Variants in MB21D2 observed in about 807,000 individuals in gnomAD.
MB21D2 encodes Mab-21 domain containing 2.
MB21D2 carries 9 observed loss-of-function variants against 33.3 expected under a neutral mutation model. That is an observed-to-expected ratio of 0.27 (90% CI 0.16 to 0.47). The LOEUF (loss-of-function observed/expected upper bound fraction) is 0.47, where lower values mean the gene tolerates loss of function less well. Ranked by LOEUF, MB21D2 falls within the 20% of genes least tolerant of loss-of-function variation. The pLI is 0.99. For missense variants in MB21D2, 540 were observed against 624.6 expected (o/e 0.86, Z 1.44); for synonymous variants, 241 against 236.3 (o/e 1.02, Z -0.18).
intron 1 of MB21D2, among the ~76,000 whole-genome samples, chr3:192,893,967 T>C (rs1713910976): frequency 6.6e-6 from 1 of 152,074 alleles, no homozygotes; most frequent in African/African-American, 2.4e-5. Context: ...GCCCAGGAGT[T>C]AGAGGCTGCC....
At chr3:192,814,591 G>A (rs983844649) in intron 1 of MB21D2, among the ~76,000 whole-genome samples, 6 of 152,050 alleles carry the variant, frequency 3.9e-5, no homozygotes, top group East Asian at 1.9e-4. Flanking sequence ...GGGCGGGCGC[G>A]GTGGCTCACA....
At chr3:192,868,866 A>G (rs1044843784) in intron 1 of MB21D2, among the ~76,000 whole-genome samples, 1 of 152,216 alleles carries the variant, frequency 6.6e-6, no homozygotes, top group African/African-American at 2.4e-5. Context: ...ACTATCATAC[A>G]AAGCACAGTG....
intron 1 of MB21D2, among the ~76,000 whole-genome samples, chr3:192,841,131 T>C (rs28729101): frequency 2.2e-3 from 331 of 152,272 alleles, no homozygotes; most frequent in African/African-American, 7.3e-3. Context: ...GAAAACAAAA[T>C]AATTATCTAC....
intron 1 of MB21D2, among the ~76,000 whole-genome samples, chr3:192,883,985 G>A (rs1713665501): frequency 6.6e-6 from 1 of 152,098 alleles, no homozygotes; most frequent in African/African-American, 2.4e-5. Context: ...AGCTTGATCT[G>A]TTTCTATGGT....
chr3:192,803,777 G>A (rs554369912), intron 1 of MB21D2, among the ~76,000 whole-genome samples: 37 of 152,294 alleles, frequency 2.4e-4, no homozygotes, highest in African/African-American at 7.2e-4. Flanking sequence ...GCAATGATCC[G>A]AGGTTTTCTG....
At chr3:192,804,202 G>T (rs948653084) in intron 1 of MB21D2, among the ~76,000 whole-genome samples, 13 of 152,102 alleles carry the variant, frequency 8.5e-5, no homozygotes, top group Non-Finnish European at 1.3e-4. Flanking sequence ...CCTGACTTAT[G>T]TTCTAGTGAA....
chr3:192,848,699 T>C lies in MB21D2; in HGVS notation c.212-49049A>G, dbSNP rs1452412726. Among the ~76,000 whole-genome samples, 33 of 152,240 alleles carry C rather than the reference T, an allele frequency of 2.2e-4. 1 individual carries two copies. The highest frequency in any genetic ancestry group is 2.1e-3 in the Admixed American group (32 of 15,280). ...ACCAGCATCCAGAATCTACGTGTTATACACATGTATCTCTACTTTTCAAAG... is the reference window on the plus strand; with the variant it reads ...ACCAGCATCCAGAATCTACGTGTTACACACATGTATCTCTACTTTTCAAAG... On this transcript the variant is annotated intron_variant, in intron 1 of 1. Coordinates refer to ENST00000392452, the MANE Select transcript of MB21D2 (RefSeq NM_178496.4).
chr3:192,886,184 TC>T (rs1325820151), intron 1 of MB21D2, among the ~76,000 whole-genome samples: 2 of 152,096 alleles, frequency 1.3e-5, no homozygotes, highest in African/African-American at 4.8e-5. Context: ...GGTCTTGAAC[TC>T]CTGACCTCGT....
At chr3:192,902,277 C>A (rs375156504) in intron 1 of MB21D2, among the ~76,000 whole-genome samples, 1 of 152,174 alleles carries the variant, frequency 6.6e-6, no homozygotes, top group Non-Finnish European at 1.5e-5. Flanking sequence ...CACCACCCCA[C>A]GTTTGTATAC....
chr3:192,867,819 A>C (rs1500609), intron 1 of MB21D2, among the ~76,000 whole-genome samples: 1 of 151,898 alleles, frequency 6.6e-6, no homozygotes, highest in Non-Finnish European at 1.5e-5. Context: ...CTTCCACTTC[A>C]TATCTCTTGG....
At chr3:192,820,462 G>A (rs1466622846) in intron 1 of MB21D2, among the ~76,000 whole-genome samples, 1 of 152,140 alleles carries the variant, frequency 6.6e-6, no homozygotes, top group Non-Finnish European at 1.5e-5. Context: ...CAGAAGTTTT[G>A]TTAAAATGAT....
At chr3:192,839,108 T>C (rs537759571) in intron 1 of MB21D2, among the ~76,000 whole-genome samples, 2 of 152,252 alleles carry the variant, frequency 1.3e-5, no homozygotes, top group South Asian at 2.1e-4. Flanking sequence ...GAGGCAAGGA[T>C]TTTGTGAGGG....
chr3:192,798,864 C>T lies in MB21D2; in HGVS notation c.998G>A (p.Arg333Gln). The change falls in exon 2 of 2, where the codon CGG becomes CAG. Residue 333 changes from arginine (R) to glutamine (Q), a missense_variant. Physicochemically the swap from Arg to Gln is conservative, Grantham distance 43. Transcript: ENST00000392452. This position sits in a 1 kb window ranked among gnomAD's most constrained non-coding sequence, Gnocchi z 4.8. ...GTCGCAGGCCCAGAGCATCATGCTC[C>T]GCAGGTGATAGGGGCTAATAGCCTT... is the stretch of plus-strand genomic sequence containing the variant. ...RPKAISPYHL[R>Q]SMMLWACDRL... The T allele has an allele frequency of 1.9e-6, 3 of 1,612,912 alleles. No homozygotes were observed. Among genetic ancestry groups the T allele is most frequent in the African/African-American group, 1.3e-5 (1 of 74,992 alleles).
In MB21D2 at chr3:192,798,455, T is replaced by G; in HGVS notation, c.1407A>C (p.Ser469=). Residue 469 remains serine (S), a synonymous_variant, in exon 2 of 2, where the codon TCA becomes TCC. Transcript: ENST00000392452. The surrounding 1 kb of genome is among the most constrained non-coding windows in gnomAD (Gnocchi z 4.8). The part of the protein sequence containing the change: ...QQLVTENPGK[S]ISVFINPDDV... ...CGTCAGGATTGATAAAGACAGAGAT[T>G]GACTTTCCCGGGTTCTCAGTCACTA... 1 of 1,614,244 alleles carries G rather than the reference T, an allele frequency of 6.2e-7. No individual in the cohort carries two copies. Among genetic ancestry groups the G allele is most frequent in the South Asian group, 1.1e-5 (1 of 91,084 alleles).
At chr3:192,804,608 T>A (rs1161019929) in intron 1 of MB21D2, among the ~76,000 whole-genome samples, 1 of 152,234 alleles carries the variant, frequency 6.6e-6, no homozygotes, top group African/African-American at 2.4e-5. Flanking sequence ...TTGTTTCATA[T>A]AAAAGAGTTT....
intron 1 of MB21D2, among the ~76,000 whole-genome samples, chr3:192,820,965 G>A (rs905088419): frequency 1.3e-5 from 2 of 151,824 alleles, no homozygotes; most frequent in Admixed American, 6.6e-5. Context: ...ATGAGGTCTC[G>A]CTATGTTGCT....
rs145909898 is a variant in MB21D2, at chr3:192,798,551, G to C, written c.1311C>G (p.Ile437Met). The change falls in exon 2 of 2, where the codon ATC (isoleucine) becomes ATG (methionine). Residue 437 changes from isoleucine (I) to methionine (M), a missense_variant. Ile to Met is a conservative substitution (Grantham distance 10, BLOSUM62 1). Transcript: ENST00000392452. This position sits in a 1 kb window ranked among gnomAD's most constrained non-coding sequence, Gnocchi z 4.8. ...CCCCTCCGTCAGACTGTGGAGAGGG[G>C]ATGCTGGTGGTGCTACCTCGCCTCT... ...ELQRRGSTTS[I>M]PSPQSDGGDP... 1 of 1,614,210 alleles carries C rather than the reference G, an allele frequency of 6.2e-7. No homozygotes were observed. Among genetic ancestry groups the C allele is most frequent in the African/African-American group, 1.3e-5 (1 of 75,052 alleles).
At chr3:192,860,206 G>C (rs1713010682) in intron 1 of MB21D2, among the ~76,000 whole-genome samples, 1 of 152,114 alleles carries the variant, frequency 6.6e-6, no homozygotes, top group Non-Finnish European at 1.5e-5. Flanking sequence ...CTTCACTCTT[G>C]GCTACGTGCT....
At chr3:192,917,099 C>T in intron 1 of MB21D2, among the ~76,000 whole-genome samples, 1 of 152,210 alleles carries the variant, frequency 6.6e-6, no homozygotes, top group East Asian at 1.9e-4. Context: ...GTTTGGCCAC[C>T]GGGGGCTCGG....
Sources: allele counts gnomAD v4.1 joint callset (sites outside exome capture counted in the v4.1 genomes callset), GRCh38; gene constraint gnomAD v4.1.1; non-coding constraint Gnocchi (gnomAD v3.1); transcripts MANE v1.5; gene names NCBI Gene and HGNC (gene_info 2026-07-23, HGNC 2026-07-21).